The following MCPH1 variants were observed in gnomAD, a reference collection of about 807,000 sequenced individuals.
MCPH1 encodes microcephalin.
A neutral mutation model predicts 84.5 loss-of-function variants in MCPH1; 104 were observed. The observed-to-expected ratio is 1.23, with a 90% CI of 1.05 to 1.45. MCPH1 has a LOEUF of 1.45. Ranked by LOEUF, MCPH1 falls within the 40% of genes most tolerant of loss-of-function variation. The probability of loss-of-function intolerance (pLI) is 0.00; values close to 1 mark genes in which losing one functional copy is unlikely to be tolerated. For missense variants in MCPH1, 1,498 were observed against 1,005.7 expected (o/e 1.49, Z -6.62); for synonymous variants, 514 against 366.8 (o/e 1.40, Z -4.58).
At chr8:6,478,079 A>G (rs1808714386) in intron 10 of MCPH1, among the ~76,000 whole-genome samples, 1 of 152,244 alleles carries the variant, frequency 6.6e-6, no homozygotes. Flanking sequence ...TAACACAACA[A>G]AGAACATCCA....
At chr8:6,535,168 A>T (rs1042254607) in intron 12 of MCPH1, among the ~76,000 whole-genome samples, 7 of 152,216 alleles carry the variant, frequency 4.6e-5, no homozygotes, top group African/African-American at 1.7e-4. Flanking sequence ...AATAAAAATT[A>T]TTGTATTTTG....
rs189767684 is a variant in MCPH1 at position 6,525,804 on chromosome 8, G to T, written c.2214+25875G>T. Among the ~76,000 whole-genome samples the T allele has an allele frequency of 1.6e-3, 236 of 152,164 alleles. 3 individuals carry two copies. Among genetic ancestry groups the T allele is most frequent in the African/African-American group, 5.3e-3 (222 of 41,512 alleles). ...TTTCATATCTGTGACAAAAAAATAC[G>T]ATTTCTACAGCTGATGAGAAAAAGC... On this transcript the variant is annotated intron_variant, in intron 12 of 13. Transcript: ENST00000344683.
chr8:6,645,094 C>G lies in MCPH1; in HGVS notation c.*2045C>G, dbSNP rs565197696. ...ACAGCACCAAAAATCCCTGAGGAGG[C>G]TGACAAACATTGTGCTGACTCATGC... is the stretch of plus-strand genomic sequence containing the variant. On this transcript the variant is annotated 3_prime_UTR_variant, in exon 14 of 14. Coordinates refer to ENST00000344683, the MANE Select transcript of MCPH1 (RefSeq NM_024596.5). The G allele has an allele frequency of 6.6e-6, 1 of 152,382 alleles. No homozygotes were observed. Among genetic ancestry groups the G allele is most frequent in the Admixed American group, 6.5e-5 (1 of 15,290 alleles). 9.4% of individuals were successfully genotyped at this position (152,382 alleles called of 1,614,324 possible). A position where few individuals can be genotyped will look rare whatever the true frequency, so the allele number is the denominator to read the frequency against.
At chr8:6,446,362 T>G (rs979275720) in intron 8 of MCPH1, 30 of 984,622 alleles carry the variant, frequency 3.0e-5, no homozygotes, top group African/African-American at 7.0e-5. Context: ...ATGATTTCTC[T>G]GCTCTACAAA....
At chr8:6,484,627 C>G (rs763669722) in intron 11 of MCPH1, among the ~76,000 whole-genome samples, 1 of 152,206 alleles carries the variant, frequency 6.6e-6, no homozygotes, top group Non-Finnish European at 1.5e-5. Flanking sequence ...CACAGCTGTC[C>G]CTCCAGTGGG....
chr8:6,452,436 G>C (rs1055177356), intron 8 of MCPH1, among the ~76,000 whole-genome samples: 1 of 152,198 alleles, frequency 6.6e-6, no homozygotes, highest in Non-Finnish European at 1.5e-5. Context: ...TGATCATTTC[G>C]TGAAAACGAA....
chr8:6,424,482 A>G lies in MCPH1; in HGVS notation c.234-7017A>G, dbSNP rs58520213. ...TTTCCTCCCGGAATCCTCAGACTCCATTCCTATCCTACCAGCAGCCAGCTC... is the reference window on the plus strand; with the variant it reads ...TTTCCTCCCGGAATCCTCAGACTCCGTTCCTATCCTACCAGCAGCCAGCTC... On this transcript the variant is annotated intron_variant, in intron 3 of 13. Transcript: ENST00000344683. Among the ~76,000 whole-genome samples, 1,316 of 152,228 alleles carry G rather than the reference A, an allele frequency of 8.6e-3. 27 individuals carry two copies. Among genetic ancestry groups the G allele is most frequent in the African/African-American group, 0.03 (1,235 of 41,528 alleles).
At chr8:6,518,646 G>C (rs1300290613) in intron 12 of MCPH1, among the ~76,000 whole-genome samples, 2 of 152,046 alleles carry the variant, frequency 1.3e-5, no homozygotes, top group African/African-American at 4.8e-5. Flanking sequence ...TAAATACTTA[G>C]GATAATACTC....
At chr8:6,467,110 A>G (rs1203971508) in intron 9 of MCPH1, among the ~76,000 whole-genome samples, 1 of 152,242 alleles carries the variant, frequency 6.6e-6, no homozygotes, top group Non-Finnish European at 1.5e-5. Flanking sequence ...GGTTTGTTAA[A>G]AAAATTATGA....
chr8:6,535,299 T>C (rs888635670), intron 12 of MCPH1, among the ~76,000 whole-genome samples: 6 of 152,242 alleles, frequency 3.9e-5, no homozygotes, highest in African/African-American at 1.4e-4. Context: ...GGATTGTTTA[T>C]AATTGAAAAC....
chr8:6,628,817 A>G (rs1417939862), intron 13 of MCPH1, among the ~76,000 whole-genome samples: 3 of 152,172 alleles, frequency 2.0e-5, no homozygotes, highest in Non-Finnish European at 2.9e-5. Flanking sequence ...TCAAAGCTCA[A>G]CCTCCTAATG....
chr8:6,522,714 C>T (rs112406452), intron 12 of MCPH1, among the ~76,000 whole-genome samples: 2 of 150,908 alleles, frequency 1.3e-5, no homozygotes, highest in Non-Finnish European at 2.9e-5. Flanking sequence ...GTGGAGGTTG[C>T]AGTGAGCTGA....
chr8:6,440,300 C>T (rs1020506161), intron 6 of MCPH1, among the ~76,000 whole-genome samples: 1 of 152,026 alleles, frequency 6.6e-6, no homozygotes, highest in Admixed American at 6.6e-5. Context: ...CTTCCCACCC[C>T]GACTTTTTAC....
intron 12 of MCPH1, among the ~76,000 whole-genome samples, chr8:6,546,244 A>G (rs1192056583): frequency 2.0e-5 from 3 of 152,264 alleles, no homozygotes; most frequent in African/African-American, 4.8e-5. Flanking sequence ...TAAGGGAGAC[A>G]GTCTGAATAT....
intron 12 of MCPH1, among the ~76,000 whole-genome samples, chr8:6,555,848 T>C (rs902364383): frequency 6.6e-6 from 1 of 152,226 alleles, no homozygotes; most frequent in Non-Finnish European, 1.5e-5. Flanking sequence ...AGGTGGAATT[T>C]CTTATCGTTC....
intron 12 of MCPH1, among the ~76,000 whole-genome samples, chr8:6,598,861 G>A (rs1829141585): frequency 6.6e-6 from 1 of 152,242 alleles, no homozygotes; most frequent in Non-Finnish European, 1.5e-5. Context: ...CCGATGCATT[G>A]CAGAATGTAA....
intron 12 of MCPH1, among the ~76,000 whole-genome samples, chr8:6,536,865 G>T (rs991777246): frequency 8.7e-5 from 13 of 149,956 alleles, no homozygotes; most frequent in Non-Finnish European, 1.5e-4. Context: ...ATGTCTTTCT[G>T]TTTAGTGTCT....
chr8:6,515,495 T>C (rs1816081444), intron 12 of MCPH1, among the ~76,000 whole-genome samples: 1 of 152,250 alleles, frequency 6.6e-6, no homozygotes, highest in Non-Finnish European at 1.5e-5. Flanking sequence ...CAACTCTTTT[T>C]ATTTCTGCTC....
intron 2 of MCPH1, among the ~76,000 whole-genome samples, chr8:6,412,378 T>C (rs1798660485): frequency 6.6e-6 from 1 of 152,232 alleles, no homozygotes; most frequent in Admixed American, 6.5e-5. Context: ...TTAGAACTTT[T>C]TGGTTTCACC....
Sources: gnomAD v4.1 joint callset for allele counts (sites outside exome capture counted in the v4.1 genomes callset) on GRCh38, gnomAD v4.1.1 for gene constraint, MANE v1.5 for transcripts, NCBI Gene and HGNC (gene_info 2026-07-23, HGNC 2026-07-21) for gene names.